SH3KBP1: variants seen among roughly 807,000 people sequenced by gnomAD.
SH3KBP1 encodes SH3 domain containing kinase binding protein 1.
A neutral mutation model predicts 50.1 loss-of-function variants in SH3KBP1; 8 were observed. The ratio of observed to expected loss-of-function variants is 0.16; its 90% CI spans 0.09 to 0.29. The LOEUF (loss-of-function observed/expected upper bound fraction) is 0.29, where lower values mean the gene tolerates loss of function less well. Ranked by LOEUF, SH3KBP1 falls within the 10% of genes least tolerant of loss-of-function variation. The pLI is 1.00. For missense variants in SH3KBP1, 377 were observed against 535.2 expected, an observed-to-expected ratio of 0.70 and a Z score of 2.92; for synonymous variants, 227 against 218.6, an observed-to-expected ratio of 1.04 and a Z score of -0.34.
At chrX:19,765,540 A>T (rs891761099) in intron 2 of SH3KBP1, among the ~76,000 whole-genome samples, 4 of 111,504 alleles carry the variant, frequency 3.6e-5, no homozygotes, top group African/African-American at 1.3e-4. Context: ...CTCCCTTTTT[A>T]AAAAAAATTT....
At chrX:19,569,229 T>C in intron 12 of SH3KBP1, 41 bp from the exon 13 acceptor site, 1 of 1,080,460 alleles carries the variant, frequency 9.3e-7, no homozygotes, top group Non-Finnish European at 1.3e-6. Context: ...ATAATTGGTG[T>C]GTGTCCTTGT....
chrX:19,765,767 T>C (rs1240567285), intron 2 of SH3KBP1, among the ~76,000 whole-genome samples: 1 of 111,976 alleles, frequency 8.9e-6, no homozygotes, highest in African/African-American at 3.3e-5. Context: ...TCTGTCTCTG[T>C]AAAGTTGACT....
chrX:19,572,392 C>T (rs779650398), intron 12 of SH3KBP1, among the ~76,000 whole-genome samples: 6 of 93,569 alleles, frequency 6.4e-5, no homozygotes, highest in Non-Finnish European at 1.0e-4. Flanking sequence ...ATAGTACATA[C>T]ATATGTTATA....
chrX:19,740,887 C>A, intron 3 of SH3KBP1: 1 of 223,647 alleles, frequency 4.5e-6, no homozygotes. Flanking sequence ...AAAAACGTTT[C>A]CCCTTCAGGG....
At chrX:19,594,437 T>C (rs1453522027) in intron 10 of SH3KBP1, among the ~76,000 whole-genome samples, 3 of 112,247 alleles carry the variant, frequency 2.7e-5, no homozygotes, top group Non-Finnish European at 5.6e-5. Context: ...GAAAAGTATT[T>C]ATTGCTAGAA....
chrX:19,741,623 C>T (rs2064772867), intron 3 of SH3KBP1, among the ~76,000 whole-genome samples: 1 of 111,969 alleles, frequency 8.9e-6, no homozygotes, highest in Non-Finnish European at 1.9e-5. Flanking sequence ...CAGAAACCCA[C>T]GGAGTGGCTT....
At chrX:19,662,777 T>A (rs2062494832) in intron 6 of SH3KBP1, among the ~76,000 whole-genome samples, 1 of 109,688 alleles carries the variant, frequency 9.1e-6, no homozygotes, top group Non-Finnish European at 1.9e-5. Flanking sequence ...CCACTTAACA[T>A]GAACATACTT....
intron 6 of SH3KBP1, among the ~76,000 whole-genome samples, chrX:19,650,060 A>G (rs937992048): frequency 8.9e-6 from 1 of 111,838 alleles, no homozygotes; most frequent in African/African-American, 3.3e-5. Context: ...CAACTCTCAT[A>G]TCACAAAGGC....
chrX:19,564,574 C>G (rs1466272662), intron 13 of SH3KBP1, among the ~76,000 whole-genome samples: 2 of 110,177 alleles, frequency 1.8e-5, no homozygotes, highest in African/African-American at 6.6e-5. Flanking sequence ...CTCTCTCCCC[C>G]CCCTTCCTCT....
At chrX:19,857,014 G>C (rs1156828673) in intron 1 of SH3KBP1, among the ~76,000 whole-genome samples, 1 of 73,549 alleles carries the variant, frequency 1.4e-5, no homozygotes, top group Admixed American at 2.3e-4. Context: ...CTTAAAAATG[G>C]ATTCAACTCC....
chrX:19,625,199 C>G (rs1195123171), intron 8 of SH3KBP1, among the ~76,000 whole-genome samples: 1 of 111,650 alleles, frequency 9.0e-6, no homozygotes, highest in Non-Finnish European at 1.9e-5. Flanking sequence ...AAACATTTTT[C>G]TCATGAATAC....
intron 3 of SH3KBP1, among the ~76,000 whole-genome samples, chrX:19,711,203 T>C: frequency 9.0e-6 from 1 of 111,649 alleles, no homozygotes; most frequent in East Asian, 2.8e-4. Context: ...CTAGCTGCAC[T>C]AACATGGTAT....
intron 2 of SH3KBP1, among the ~76,000 whole-genome samples, chrX:19,772,482 T>C (rs2065818092): frequency 9.0e-6 from 1 of 111,033 alleles, no homozygotes; most frequent in Non-Finnish European, 1.9e-5. Flanking sequence ...TTTTGTTTTT[T>C]GTTTTTTTTT....
intron 2 of SH3KBP1, among the ~76,000 whole-genome samples, chrX:19,760,623 TAGGAA>T (rs1413731455): frequency 1.8e-5 from 2 of 110,244 alleles, no homozygotes; most frequent in Non-Finnish European, 3.8e-5. Flanking sequence ...GCAGCTAGAT[TAGGAA>T]AGGCATCAGC....
intron 3 of SH3KBP1, among the ~76,000 whole-genome samples, chrX:19,727,654 G>A (rs1235899273): frequency 3.6e-5 from 4 of 112,383 alleles, no homozygotes; most frequent in Non-Finnish European, 7.5e-5. Context: ...ATGTGTCTCT[G>A]TTAAAACCTC....
intron 9 of SH3KBP1, among the ~76,000 whole-genome samples, chrX:19,598,051 ACCAACCTCTGCTGGCTT>A (rs1348477065): frequency 9.0e-6 from 1 of 111,645 alleles, no homozygotes; most frequent in African/African-American, 3.3e-5. Flanking sequence ...AACCTCAATA[ACCAACCTCTGCTGGCTT>A]CCAACTTTTC....
At chrX:19,795,794 G>T (rs978916910) in intron 2 of SH3KBP1, among the ~76,000 whole-genome samples, 1 of 111,959 alleles carries the variant, frequency 8.9e-6, no homozygotes, top group Non-Finnish European at 1.9e-5. Flanking sequence ...AATGGTGTGT[G>T]TTTTGATCTC....
intron 13 of SH3KBP1, among the ~76,000 whole-genome samples, chrX:19,555,409 G>A (rs945342108): frequency 2.7e-5 from 3 of 111,579 alleles, no homozygotes; most frequent in African/African-American, 9.8e-5. Context: ...TCCATGGATA[G>A]GAGCAATGGT....
rs180810469 is a variant in SH3KBP1, at chrX:19,760,305, T to C, written c.163-13864A>G. Among the ~76,000 whole-genome samples, 33 of 109,568 alleles carry C rather than the reference T, an allele frequency of 3.0e-4. No individual in the cohort carries two copies. In the East Asian group the frequency reaches 8.5e-3, roughly 28 times the overall value. Reference sequence around the variant, plus strand: ...GGGAGGCTGAGGCAGAAGAATGGCATGAACACGGGAGACAGAGCTTGCAGT... The same window carrying C: ...GGGAGGCTGAGGCAGAAGAATGGCACGAACACGGGAGACAGAGCTTGCAGT... On this transcript the variant is annotated intron_variant, in intron 2 of 17. Coordinates refer to ENST00000397821, the MANE Select transcript of SH3KBP1 (RefSeq NM_031892.3).
Sources: gnomAD v4.1 joint callset for allele counts (sites outside exome capture counted in the v4.1 genomes callset) on GRCh38, gnomAD v4.1.1 for gene constraint, MANE v1.5 for transcripts, NCBI Gene and HGNC (gene_info 2026-07-23, HGNC 2026-07-21) for gene names.